Variants in NGEF observed in about 807,000 individuals in gnomAD.
NGEF encodes the protein ephexin-1.
Under a neutral mutation model 80.9 loss-of-function variants are expected in NGEF, and 31 were observed. That is an observed-to-expected ratio of 0.38 (90% CI 0.29 to 0.52). The LOEUF (loss-of-function observed/expected upper bound fraction) is 0.52, where lower values mean the gene tolerates loss of function less well. NGEF is among the 20% of genes least tolerant of loss of function. The pLI, the probability that NGEF is intolerant of heterozygous loss-of-function variation, is 0.84. For synonymous variants in NGEF, 371 were observed against 370.2 expected (o/e 1.00, Z -0.03); for missense variants, 709 against 926.2 (o/e 0.77, Z 3.04).
chr2:232,900,033 TTC>T (rs1400611206), intron 5 of NGEF, among the ~76,000 whole-genome samples: 1 of 55,646 alleles, frequency 1.8e-5, no homozygotes, highest in Non-Finnish European at 3.8e-5. Flanking sequence ...TTCACTCACA[TTC>T]ACTCACACAC....
intron 1 of NGEF, among the ~76,000 whole-genome samples, chr2:232,989,823 T>G (rs960580529): frequency 3.3e-5 from 5 of 152,232 alleles, no homozygotes; most frequent in Admixed American, 2.6e-4. Context: ...CTTAAAAAAA[T>G]TGAGGCAATT....
chr2:232,924,805 A>G (rs902198992), intron 4 of NGEF, among the ~76,000 whole-genome samples: 1 of 152,240 alleles, frequency 6.6e-6, no homozygotes, highest in Admixed American at 6.5e-5. Context: ...AAGACTATCA[A>G]TACAAGTAAC....
chr2:232,916,081 C>A (rs544000494), intron 5 of NGEF, among the ~76,000 whole-genome samples: 21 of 152,282 alleles, frequency 1.4e-4, no homozygotes, highest in African/African-American at 4.3e-4. Flanking sequence ...CCTTTCTAAT[C>A]ATAAGACACA....
intron 13 of NGEF, 62 bp from the exon 14 acceptor site, chr2:232,881,312 C>A: frequency 7.5e-7 from 1 of 1,329,404 alleles, no homozygotes; most frequent in Non-Finnish European, 1.1e-6. Context: ...ACACTCCCAC[C>A]AAGCCCGCAG....
intron 1 of NGEF, among the ~76,000 whole-genome samples, chr2:232,990,758 A>G (rs968896864): frequency 6.6e-6 from 1 of 152,134 alleles, no homozygotes; most frequent in East Asian, 1.9e-4. Flanking sequence ...AAGGGCTACT[A>G]AACCAGATAA....
At chr2:232,927,278 T>A (rs2675959) in intron 3 of NGEF, 92 bp from the exon 4 acceptor site, 355,007 of 1,377,828 alleles carry the variant, frequency 0.26, 47,696 homozygotes, top group Non-Finnish European at 0.28. Context: ...AGGCGGCTGC[T>A]AGCCAGCCGG....
At chr2:232,885,557 A>T in intron 9 of NGEF, 188 bp from the exon 10 acceptor site, 2 of 587,670 alleles carry the variant, frequency 3.4e-6, no homozygotes, top group Non-Finnish European at 6.1e-6. Context: ...GGGCAAAGGC[A>T]AGTGGGAAAA....
In NGEF at chr2:232,902,601, C is replaced by A. The variant is rs571443655; in HGVS notation, c.829-7685G>T. Among the ~76,000 whole-genome samples, 3 of 152,344 alleles carry A rather than the reference C, an allele frequency of 2.0e-5. No homozygotes were observed. In the South Asian group the frequency reaches 6.2e-4, roughly 32 times the overall value. On this transcript the variant is annotated intron_variant, in intron 5 of 14. Transcript: ENST00000264051. The stretch of plus-strand genomic sequence containing the variant: ...TCTCAAGATGACCTGTTAATAAAAT[C>A]ATTCGCAAAAATGTTTACATGCTAA...
At chr2:232,975,705 A>G (rs1694278220) in intron 1 of NGEF, among the ~76,000 whole-genome samples, 1 of 152,120 alleles carries the variant, frequency 6.6e-6, no homozygotes, top group South Asian at 2.1e-4. Context: ...GCGAGAGACT[A>G]TGTGGACCCT....
intron 3 of NGEF, among the ~76,000 whole-genome samples, chr2:232,927,444 C>A (rs1184239003): frequency 6.6e-6 from 1 of 152,160 alleles, no homozygotes; most frequent in Non-Finnish European, 1.5e-5. Context: ...TTTGGAGCTC[C>A]CGGGCAGGCG....
rs200917615 is a variant in NGEF at position 232,898,971 on chromosome 2, CAT to C, written c.829-4057_829-4056del. Among the ~76,000 whole-genome samples the C allele has an allele frequency of 9.6e-3, 1,454 of 150,754 alleles. 32 individuals are homozygous for C. Among genetic ancestry groups the C allele is most frequent in the African/African-American group, 0.034 (1,388 of 40,500 alleles). Reference sequence around the variant, plus strand: ...ATGTAAGTGAATGTGTGTGTGAATGCATGTGTGTGTGTGAATGTGAGTGTGAA... The same window carrying C: ...ATGTAAGTGAATGTGTGTGTGAATGCGTGTGTGTGTGAATGTGAGTGTGAA... On this transcript the variant is annotated intron_variant, in intron 5 of 14. Coordinates refer to ENST00000264051, the MANE Select transcript of NGEF (RefSeq NM_019850.3).
intron 5 of NGEF, among the ~76,000 whole-genome samples, chr2:232,908,311 G>A (rs1383519033): frequency 6.6e-6 from 1 of 152,046 alleles, no homozygotes; most frequent in Non-Finnish European, 1.5e-5. Context: ...TCTAGAAATA[G>A]AAGCACTAGA....
At chr2:232,929,466 G>A (rs963074659) in intron 3 of NGEF, among the ~76,000 whole-genome samples, 1 of 152,208 alleles carries the variant, frequency 6.6e-6, no homozygotes, top group Non-Finnish European at 1.5e-5. Context: ...TAGACTCAAA[G>A]CCAGTCTCTA....
At chr2:232,978,395 A>G (rs1694340852) in intron 1 of NGEF, among the ~76,000 whole-genome samples, 1 of 152,002 alleles carries the variant, frequency 6.6e-6, no homozygotes, top group Non-Finnish European at 1.5e-5. Flanking sequence ...GGCGCCTGTA[A>G]TCCCAGCTAC....
chr2:232,914,890 G>A (rs1311559586), intron 5 of NGEF, among the ~76,000 whole-genome samples: 1 of 151,450 alleles, frequency 6.6e-6, no homozygotes, highest in African/African-American at 2.4e-5. Context: ...GGTGGTGCAC[G>A]CCTGTAATCC....
chr2:232,893,117 G>A, intron 6 of NGEF, 67 bp from the exon 7 acceptor site: 2 of 1,516,700 alleles, frequency 1.3e-6, no homozygotes, highest in Non-Finnish European at 1.8e-6. Context: ...TCTCACCAAG[G>A]GCAGCATGCG....
chr2:232,978,880 G>T (rs12694920), intron 1 of NGEF, among the ~76,000 whole-genome samples: 45,026 of 152,038 alleles, frequency 0.3, 7,263 homozygotes, highest in East Asian at 0.59. Flanking sequence ...ACAGGCGCCC[G>T]CCTAATACTT....
chr2:233,012,450 G>C (rs750344542), intron 1 of NGEF, among the ~76,000 whole-genome samples: 1 of 152,220 alleles, frequency 6.6e-6, no homozygotes, highest in African/African-American at 2.4e-5. Context: ...TTTCTGAAAG[G>C]GGCCCCTGAG....
At position 232,953,512 on chromosome 2, in the gene NGEF, A is replaced by ATTTT. The variant is rs1559222428; in HGVS notation, c.383+16701_383+16702insAAAA. Among the ~76,000 whole-genome samples the ATTTT allele has an allele frequency of 2.0e-3, 287 of 143,878 alleles. 1 individual carries two copies. The highest frequency in any genetic ancestry group is 6.1e-3 in the African/African-American group (230 of 37,794). 94.4% of individuals were successfully genotyped at this position (143,878 alleles called of 152,430 possible). A position where few individuals can be genotyped will look rare whatever the true frequency, so the allele number is the denominator to read the frequency against. On this transcript the variant is annotated intron_variant, in intron 3 of 14. Transcript: ENST00000264051. ...TGACTTACATTCTTTTTTTTTTTAA[A>ATTTT]AAAAAAAGAAAAAGTTTAACATACA...
Sources: allele counts gnomAD v4.1 joint callset (sites outside exome capture counted in the v4.1 genomes callset), GRCh38; gene constraint gnomAD v4.1.1; transcripts MANE v1.5; gene names NCBI Gene and HGNC (gene_info 2026-07-23, HGNC 2026-07-21).